ANKS1B: variants seen among roughly 807,000 people sequenced by gnomAD.
The protein encoded by ANKS1B is ankyrin repeat and sterile alpha motif domain-containing protein 1B.
In ANKS1B, 36 loss-of-function variants were observed where a neutral mutation model predicts 148.3. The ratio of observed to expected loss-of-function variants is 0.24; its 90% CI spans 0.19 to 0.32. The LOEUF is 0.32. Ranked by LOEUF, ANKS1B falls within the 10% of genes least tolerant of loss-of-function variation. The probability of loss-of-function intolerance (pLI) is 1.00; values close to 1 mark genes in which losing one functional copy is unlikely to be tolerated. For synonymous variants in ANKS1B, 542 were observed against 560.8 expected, an observed-to-expected ratio of 0.97 and a Z score of 0.47; for missense variants, 1,157 against 1,542.6, an observed-to-expected ratio of 0.75 and a Z score of 4.19.
chr12:99,529,920 A>T (rs938536736), intron 9 of ANKS1B, among the ~76,000 whole-genome samples: 1 of 152,166 alleles, frequency 6.6e-6, no homozygotes, highest in Admixed American at 6.5e-5. Flanking sequence ...TAATATTAGG[A>T]TTAATTTAGG....
At chr12:98,839,888 C>A (rs188920520) in intron 17 of ANKS1B, among the ~76,000 whole-genome samples, 1 of 152,310 alleles carries the variant, frequency 6.6e-6, no homozygotes, top group East Asian at 1.9e-4. Context: ...GTGCTGTTGA[C>A]ACATGATACA....
At chr12:98,757,037 A>G (rs1276248857) in intron 25 of ANKS1B, among the ~76,000 whole-genome samples, 3 of 150,744 alleles carry the variant, frequency 2.0e-5, no homozygotes, top group African/African-American at 7.3e-5. Flanking sequence ...CTGAGACTCA[A>G]TCTTAAAAAA....
chr12:99,324,452 CCCTCTGATTTTG>C (rs2085920387), intron 12 of ANKS1B, among the ~76,000 whole-genome samples: 1 of 152,112 alleles, frequency 6.6e-6, no homozygotes, highest in Non-Finnish European at 1.5e-5. Context: ...AGCATCACGA[CCCTCTGATTTTG>C]CTTTTCTCTG....
At position 99,498,811 on chromosome 12, in the gene ANKS1B, A is replaced by G. The variant is rs77775283; in HGVS notation, c.1438+5665T>C. ...AAATGTCTCCACGTTTGCAAATTCT[A>G]CCTTTACTCACTAAAGAATTTAGTA... On this transcript the variant is annotated intron_variant, in intron 10 of 26. Transcript: ENST00000683438. Among the ~76,000 whole-genome samples the G allele has an allele frequency of 7.8e-3, 1,190 of 152,244 alleles. 11 individuals carry two copies. The highest frequency in any genetic ancestry group is 0.027 in the African/African-American group (1,108 of 41,536).
intron 8 of ANKS1B, among the ~76,000 whole-genome samples, chr12:99,664,207 A>G (rs1418072464): frequency 6.6e-6 from 1 of 152,084 alleles, no homozygotes; most frequent in Non-Finnish European, 1.5e-5. Flanking sequence ...ACTTTGGGAA[A>G]ACTAAATTAT....
In ANKS1B at chr12:99,288,343, A is replaced by G. The variant is rs564370115; in HGVS notation, c.1757-41479T>C. On this transcript the variant is annotated intron_variant, in intron 12 of 26. Transcript: ENST00000683438. ...TATCCTTCAAACATGAAGGAGAAAT[A>G]AAGATCTTCCCAGGCAAACAAAAGG... 2.6e-5 allele frequency among the ~76,000 whole-genome samples: 4 copies of G among 152,288 alleles called. No homozygotes were observed. In the South Asian group the frequency reaches 8.3e-4, roughly 32 times the overall value.
intron 25 of ANKS1B, among the ~76,000 whole-genome samples, chr12:98,772,037 T>G (rs1418287874): frequency 1.3e-5 from 2 of 152,162 alleles, no homozygotes; most frequent in Admixed American, 6.5e-5. Context: ...GTGAAATTAG[T>G]AAATGAGTAA....
At chr12:99,564,647 C>T (rs2097370321) in intron 9 of ANKS1B, among the ~76,000 whole-genome samples, 1 of 152,106 alleles carries the variant, frequency 6.6e-6, no homozygotes, top group Admixed American at 6.5e-5. Flanking sequence ...AATAATGACA[C>T]ATTTTGCTTT....
At chr12:99,460,419 CTTAA>C (rs2095935032) in intron 10 of ANKS1B, among the ~76,000 whole-genome samples, 1 of 152,006 alleles carries the variant, frequency 6.6e-6, no homozygotes, top group Admixed American at 6.6e-5. Flanking sequence ...ATAGATGGGA[CTTAA>C]TTAAACTAAA....
intron 12 of ANKS1B, among the ~76,000 whole-genome samples, chr12:99,257,129 A>AG (rs2075358964): frequency 6.6e-6 from 1 of 151,954 alleles, no homozygotes; most frequent in Non-Finnish European, 1.5e-5. Flanking sequence ...CTGTAGTCCC[A>AG]GCTACTCCGG....
intron 3 of ANKS1B, among the ~76,000 whole-genome samples, chr12:99,806,984 G>C (rs76437739): frequency 0.022 from 3,320 of 152,140 alleles, 121 homozygotes; most frequent in African/African-American, 0.076. Flanking sequence ...TTTGTCAGAG[G>C]CCCTCCTGGG....
intron 8 of ANKS1B, among the ~76,000 whole-genome samples, chr12:99,672,862 G>A (rs984399637): frequency 1.3e-5 from 2 of 152,000 alleles, no homozygotes; most frequent in South Asian, 4.1e-4. Context: ...AATATAAGCA[G>A]GAAATGATAA....
chr12:98,939,178 T>C (rs1488008097), intron 17 of ANKS1B, among the ~76,000 whole-genome samples: 2 of 152,226 alleles, frequency 1.3e-5, no homozygotes, highest in African/African-American at 2.4e-5. Context: ...GAAGATGTTT[T>C]TGAGAAACCT....
At chr12:99,942,943 T>G (rs141297720) in intron 1 of ANKS1B, among the ~76,000 whole-genome samples, 5 of 152,278 alleles carry the variant, frequency 3.3e-5, no homozygotes, top group African/African-American at 1.2e-4. Context: ...ATCAGGGTAT[T>G]TGATTCACGA....
At chr12:99,762,567 CTCTAAGAA>C (rs1163967136) in intron 8 of ANKS1B, among the ~76,000 whole-genome samples, 1 of 152,106 alleles carries the variant, frequency 6.6e-6, no homozygotes, top group Admixed American at 6.6e-5. Flanking sequence ...AGACCTCAAA[CTCTAAGAA>C]TCTTAGAATG....
chr12:99,557,226 T>C (rs1488120274), intron 9 of ANKS1B, among the ~76,000 whole-genome samples: 1 of 152,222 alleles, frequency 6.6e-6, no homozygotes, highest in African/African-American at 2.4e-5. Flanking sequence ...TCTAGTGATG[T>C]TGGAAACATT....
chr12:99,140,630 G>A (rs750752962), intron 15 of ANKS1B, among the ~76,000 whole-genome samples: 1 of 152,068 alleles, frequency 6.6e-6, no homozygotes, highest in Admixed American at 6.6e-5. Context: ...ATTTGCACAC[G>A]GAAAACAGAT....
At chr12:99,589,512 A>G (rs1001935889) in intron 9 of ANKS1B, among the ~76,000 whole-genome samples, 1 of 152,122 alleles carries the variant, frequency 6.6e-6, no homozygotes, top group African/African-American at 2.4e-5. Flanking sequence ...TAGGTCATCT[A>G]TATTGCCAGT....
At chr12:99,690,270 G>T (rs2098672211) in intron 8 of ANKS1B, among the ~76,000 whole-genome samples, 2 of 152,108 alleles carry the variant, frequency 1.3e-5, no homozygotes, top group African/African-American at 4.8e-5. Flanking sequence ...TCTGGATGGG[G>T]ACACAGAGGC....
Sources: allele counts gnomAD v4.1 joint callset (sites outside exome capture counted in the v4.1 genomes callset), GRCh38; gene constraint gnomAD v4.1.1; transcripts MANE v1.5; gene names NCBI Gene and HGNC (gene_info 2026-07-23, HGNC 2026-07-21).